The following HERC4 variants were observed in gnomAD, a reference collection of about 807,000 sequenced individuals.
The protein encoded by HERC4 is HECT and RLD domain containing E3 ubiquitin protein ligase 4.
In HERC4, 28 loss-of-function variants were observed where a neutral mutation model predicts 124.3. That is an observed-to-expected ratio of 0.23 (90% CI 0.17 to 0.31). HERC4 has a LOEUF of 0.31. Ranked by LOEUF, HERC4 falls within the 10% of genes least tolerant of loss-of-function variation. HERC4 has a pLI of 1.00. For missense variants in HERC4, 713 were observed against 1,229.3 expected, an observed-to-expected ratio of 0.58 and a Z score of 6.28; for synonymous variants, 407 against 421.5, an observed-to-expected ratio of 0.97 and a Z score of 0.42.
chr10:67,984,164 G>T (rs993571019), intron 15 of HERC4, among the ~76,000 whole-genome samples: 2 of 151,842 alleles, frequency 1.3e-5, no homozygotes, highest in African/African-American at 4.8e-5. Flanking sequence ...TTAGCCAGTT[G>T]TGGTGGCAGA....
intron 3 of HERC4, chr10:68,069,250 C>CGCA (rs1172326507): frequency 1.1e-6 from 1 of 950,296 alleles, no homozygotes; most frequent in Non-Finnish European, 1.3e-6. Flanking sequence ...ATTGGTCTAG[C>CGCA]GCACTGAAGA....
At chr10:68,013,114 A>T (rs1475498281) in intron 9 of HERC4, among the ~76,000 whole-genome samples, 1 of 152,248 alleles carries the variant, frequency 6.6e-6, no homozygotes, top group South Asian at 2.1e-4. Flanking sequence ...GTCTATCAGC[A>T]CCATTTTTCC....
intron 9 of HERC4, among the ~76,000 whole-genome samples, chr10:68,002,976 G>T (rs1018525660): frequency 1.3e-5 from 2 of 152,018 alleles, no homozygotes; most frequent in Admixed American, 1.3e-4. Context: ...CAGGCATACA[G>T]TGTATAAAAA....
At chr10:67,941,986 T>TAC (rs2032948335) in intron 19 of HERC4, among the ~76,000 whole-genome samples, 1 of 152,140 alleles carries the variant, frequency 6.6e-6, no homozygotes, top group Non-Finnish European at 1.5e-5. Flanking sequence ...CTGCATATTG[T>TAC]ATCATAAAAG....
chr10:68,060,701 A>G (rs1160346351), intron 3 of HERC4, among the ~76,000 whole-genome samples: 1 of 152,118 alleles, frequency 6.6e-6, no homozygotes, highest in Non-Finnish European at 1.5e-5. Flanking sequence ...GAAAATATGA[A>G]TAGTTCTATG....
chr10:67,992,137 T>A, intron 11 of HERC4, 62 bp downstream of exon 11: 1 of 1,504,354 alleles, frequency 6.6e-7, no homozygotes. Context: ...GCTCAGGCAA[T>A]CTGCCTGGTG....
rs2032346709 is a variant in HERC4 at position 67,936,236 on chromosome 10, C to A, written c.2572-1G>T. ...TTGCACCAAAGTTTTCAACTGTGATCTATTAATTTAAATTTTTAAAAAAAG... is the reference window on the plus strand; with the variant it reads ...TTGCACCAAAGTTTTCAACTGTGATATATTAATTTAAATTTTTAAAAAAAG... On this transcript the variant is annotated splice_acceptor_variant, in intron 21 of 24. Coordinates refer to ENST00000373700, the MANE Select transcript of HERC4 (RefSeq NM_015601.4). LOFTEE classifies it high-confidence loss of function. 1.3e-6 allele frequency: 2 copies of A among 1,573,284 alleles called. No individual in the cohort carries two copies. The highest frequency in any genetic ancestry group is 1.7e-6 in the Non-Finnish European group (2 of 1,157,940).
At chr10:68,040,452 T>C (rs2039705280) in intron 4 of HERC4, 2 of 837,258 alleles carry the variant, frequency 2.4e-6, no homozygotes, top group Admixed American at 6.2e-5. Flanking sequence ...AGGCTTCCCA[T>C]GTTCCATTTT....
intron 4 of HERC4, chr10:68,039,364 G>A (rs908268256): frequency 1.4e-5 from 21 of 1,511,502 alleles, no homozygotes; most frequent in Middle Eastern, 1.7e-4. Flanking sequence ...ACGGGGGATG[G>A]GGAGGTACAC....
intron 9 of HERC4, among the ~76,000 whole-genome samples, chr10:68,004,232 T>A (rs926609571): frequency 6.6e-6 from 1 of 152,234 alleles, no homozygotes; most frequent in Non-Finnish European, 1.5e-5. Context: ...AACCGAGTTG[T>A]TGAGTTCAAC....
At chr10:67,928,958 T>A (rs553320377) in intron 23 of HERC4, among the ~76,000 whole-genome samples, 92 of 152,192 alleles carry the variant, frequency 6.0e-4, no homozygotes, top group African/African-American at 2.1e-3. Context: ...ATCCTGTCCC[T>A]CTGGAGGCTT....
chr10:68,059,529 TTATATATCATATTATATATCATAA>T (rs1564607342), intron 3 of HERC4, among the ~76,000 whole-genome samples: 15 of 121,492 alleles, frequency 1.2e-4, no homozygotes, highest in Middle Eastern at 3.9e-3. Flanking sequence ...CATAATAATA[TTATATATCATATTATATATCATAA>T]TATATATCAT....
At chr10:68,012,254 A>G (rs191897661) in intron 9 of HERC4, among the ~76,000 whole-genome samples, 1 of 152,320 alleles carries the variant, frequency 6.6e-6, no homozygotes, top group East Asian at 1.9e-4. Context: ...TATTCACCAG[A>G]GTAGCACTTT....
Position 67,922,970 on chromosome 10 carries a change from G to A in HERC4, c.3111C>T (p.Ile1037=). 6.2e-7 allele frequency: 1 copy of A among 1,613,360 alleles called. No homozygotes were observed. The highest frequency in any genetic ancestry group is 1.1e-5 in the South Asian group (1 of 91,044). ...TEKETLRSKL[I]QAIDHNEGFS... is the part of the protein sequence containing the mutation. Reference sequence around the variant, plus strand: ...AGCCTTCATTGTGATCAATAGCTTGGATCAGTTTAGAGCGTAGAGTTTCTT... The same window carrying A: ...AGCCTTCATTGTGATCAATAGCTTGAATCAGTTTAGAGCGTAGAGTTTCTT... The change falls in exon 25 of 25, where the codon ATC becomes ATT. Residue 1037 remains isoleucine (I), a synonymous_variant. Transcript: ENST00000373700.
chr10:68,019,576 A>G (rs2038485748), intron 8 of HERC4, among the ~76,000 whole-genome samples: 1 of 152,148 alleles, frequency 6.6e-6, no homozygotes, highest in Non-Finnish European at 1.5e-5. Flanking sequence ...TCCCACCTAG[A>G]CAACAATTAC....
chr10:67,958,960 T>C (rs1356660321), intron 16 of HERC4, among the ~76,000 whole-genome samples: 1 of 152,158 alleles, frequency 6.6e-6, no homozygotes, highest in African/African-American at 2.4e-5. Flanking sequence ...CAAGATAATC[T>C]CTACAGACTG....
intron 3 of HERC4, among the ~76,000 whole-genome samples, chr10:68,047,754 C>A (rs1214477881): frequency 6.6e-6 from 1 of 152,184 alleles, no homozygotes; most frequent in Non-Finnish European, 1.5e-5. Context: ...GGATGTGAAG[C>A]AACAGGAACT....
intron 16 of HERC4, among the ~76,000 whole-genome samples, chr10:67,960,023 G>A (rs542056028): frequency 2.3e-4 from 35 of 152,216 alleles, no homozygotes; most frequent in Admixed American, 3.3e-4. Context: ...ATGCCTGATA[G>A]GAGTGTCTTT....
intron 16 of HERC4, chr10:67,965,288 A>AT (rs1222092609): frequency 1.3e-5 from 2 of 152,024 alleles, no homozygotes; most frequent in African/African-American, 4.8e-5. Context: ...ATTAGCTGGT[A>AT]TTTTTTGCTT....
Sources: allele counts gnomAD v4.1 joint callset (sites outside exome capture counted in the v4.1 genomes callset), GRCh38; gene constraint gnomAD v4.1.1; transcripts MANE v1.5; gene names NCBI Gene and HGNC (gene_info 2026-07-23, HGNC 2026-07-21).